The following BAZ2B variants were observed in gnomAD, a reference collection of about 807,000 sequenced individuals.
BAZ2B encodes the protein bromodomain adjacent to zinc finger domain protein 2B.
Under a neutral mutation model 246.0 loss-of-function variants are expected in BAZ2B, and 91 were observed. That is an observed-to-expected ratio of 0.37 (90% confidence interval 0.31 to 0.44). The LOEUF (loss-of-function observed/expected upper bound fraction) is 0.44, where lower values mean the gene tolerates loss of function less well. Among genes scored for constraint, BAZ2B ranks in the 20% least tolerant of loss-of-function variants. The pLI, the probability that BAZ2B is intolerant of heterozygous loss-of-function variation, is 1.00. For synonymous variants in BAZ2B, 855 were observed against 860.0 expected (o/e 0.99, Z 0.10); for missense variants, 2,332 against 2,533.7 (o/e 0.92, Z 1.71).
rs1004743316 is a variant in BAZ2B at position 159,448,281 on chromosome 2, T to C, written c.463A>G (p.Arg155Gly). The change falls in exon 5 of 37, where the codon AGG becomes GGG. Residue 155 changes from arginine to glycine, a missense_variant. By Grantham distance (125) the Arg-to-Gly change is moderately radical. This residue lies in a region of BAZ2B where 242 missense variants were observed against 237.4 expected (regional missense o/e 1.02). Transcript: ENST00000392783. ...QNHDSSSFHS[R>G]TSGKSNRNGP... Reference sequence around the variant, plus strand: ...TTTCGATTACTTTTTCCCGAAGTCCTTGAATGGAATGAAGAAGAATCATGA... The same window carrying C: ...TTTCGATTACTTTTTCCCGAAGTCCCTGAATGGAATGAAGAAGAATCATGA... 6.2e-7 allele frequency: 1 copy of C among 1,612,950 alleles called. No homozygotes were observed. Among genetic ancestry groups the C allele is most frequent in the South Asian group, 1.1e-5 (1 of 90,686 alleles).
chr2:159,439,080 G>C lies in BAZ2B; in HGVS notation c.829C>G (p.Gln277Glu). ...TCATCTTCACTTTCTTCAATACTTTGATCTTCTTCTTCTTCATCTTCTTCT... is the reference window on the plus strand; with the variant it reads ...TCATCTTCACTTTCTTCAATACTTTCATCTTCTTCTTCTTCATCTTCTTCT... ...DLEEDEEEED[Q>E]SIEESEDDDS... Residue 277 changes from glutamine (Q) to glutamate (E), a missense_variant, in exon 7 of 37, where the codon CAA becomes GAA. Physicochemically the swap from Gln to Glu is conservative, Grantham distance 29. Coordinates refer to ENST00000392783, the MANE Select transcript of BAZ2B (RefSeq NM_013450.4). 1.2e-6 allele frequency: 2 copies of C among 1,613,630 alleles called. No homozygotes were observed. Among genetic ancestry groups the C allele is most frequent in the Non-Finnish European group, 1.7e-6 (2 of 1,179,874 alleles).
chr2:159,560,205 T>G (rs1355686928), intron 1 of BAZ2B, among the ~76,000 whole-genome samples: 2 of 152,162 alleles, frequency 1.3e-5, no homozygotes, highest in African/African-American at 4.8e-5. Context: ...AAAGAGTCAA[T>G]GAAATAAATG....
chr2:159,488,343 G>C (rs927289909), intron 2 of BAZ2B, among the ~76,000 whole-genome samples: 1 of 152,146 alleles, frequency 6.6e-6, no homozygotes, highest in Non-Finnish European at 1.5e-5. Context: ...AAAGTGCTGG[G>C]ATTACAGGTG....
At chr2:159,475,663 C>A (rs912212365) in intron 3 of BAZ2B, among the ~76,000 whole-genome samples, 1 of 152,160 alleles carries the variant, frequency 6.6e-6, no homozygotes, top group African/African-American at 2.4e-5. Context: ...AGCCCTTTTG[C>A]GCTGGTTTTT....
chr2:159,383,580 A>AT (rs1437236270), intron 24 of BAZ2B, 26 bp downstream of exon 24: 1 of 1,576,702 alleles, frequency 6.3e-7, no homozygotes, highest in East Asian at 2.3e-5. Flanking sequence ...AAAACAGTAC[A>AT]TTAACTTTAA....
At chr2:159,684,382 A>C in the BAZ2B span, among the ~76,000 whole-genome samples, 7 of 152,264 alleles carry the variant, frequency 4.6e-5, no homozygotes, top group Non-Finnish European at 1.0e-4. Flanking sequence ...CTTTCTAAGA[A>C]ACTGACAAAC....
the BAZ2B span, among the ~76,000 whole-genome samples, chr2:159,679,088 C>T: frequency 2.0e-5 from 3 of 152,004 alleles, no homozygotes; most frequent in East Asian, 1.9e-4. Flanking sequence ...CTGGCTAACA[C>T]GGTGAAACCC....
chr2:159,478,891 A>G (rs1264916643), intron 2 of BAZ2B, among the ~76,000 whole-genome samples, 170 bp from the exon 3 acceptor site: 1 of 152,164 alleles, frequency 6.6e-6, no homozygotes, highest in Non-Finnish European at 1.5e-5. Context: ...TAAAATACCA[A>G]CTTATGGAAT....
intron 1 of BAZ2B, among the ~76,000 whole-genome samples, chr2:159,603,254 A>C (rs541406040): frequency 6.6e-6 from 1 of 152,374 alleles, no homozygotes; most frequent in East Asian, 1.9e-4. Flanking sequence ...AATAATTAAG[A>C]GCTAATAAAC....
intron 1 of BAZ2B, among the ~76,000 whole-genome samples, chr2:159,609,481 T>C (rs1578920434): frequency 6.6e-6 from 1 of 152,320 alleles, no homozygotes. Context: ...TTAATGTTGT[T>C]TCCCAAAACT....
At chr2:159,460,173 C>G (rs777766520) in intron 3 of BAZ2B, 6 of 151,986 alleles carry the variant, frequency 3.9e-5, no homozygotes, top group Non-Finnish European at 5.9e-5. Flanking sequence ...AAAATCAGTA[C>G]ACAAATGCTG....
intron 3 of BAZ2B, among the ~76,000 whole-genome samples, chr2:159,466,885 G>A (rs1362719843): frequency 6.6e-6 from 1 of 152,056 alleles, no homozygotes; most frequent in Non-Finnish European, 1.5e-5. Context: ...GGAGGACAAT[G>A]TGCTCTACTC....
intron 1 of BAZ2B, among the ~76,000 whole-genome samples, chr2:159,595,178 C>A (rs1461630905): frequency 1.3e-5 from 2 of 152,096 alleles, no homozygotes. Context: ...CCTCGGCTCA[C>A]CGCAACCTCC....
chr2:159,538,265 G>C (rs1275331442), intron 2 of BAZ2B, among the ~76,000 whole-genome samples: 2 of 152,106 alleles, frequency 1.3e-5, no homozygotes, highest in Non-Finnish European at 1.5e-5. Flanking sequence ...TTATAGAAAG[G>C]CTTCTGATCT....
At chr2:159,361,223 A>T (rs924515471) in intron 27 of BAZ2B, among the ~76,000 whole-genome samples, 5 of 152,256 alleles carry the variant, frequency 3.3e-5, no homozygotes, top group Admixed American at 6.5e-5. Context: ...GCTAGTATCC[A>T]GAATCTACAA....
chr2:159,528,553 A>AGT (rs1234272851), intron 2 of BAZ2B, among the ~76,000 whole-genome samples: 1 of 151,698 alleles, frequency 6.6e-6, no homozygotes, highest in Non-Finnish European at 1.5e-5. Context: ...TGTGGTGGTG[A>AGT]GTGCCTGTAA....
intron 27 of BAZ2B, among the ~76,000 whole-genome samples, chr2:159,364,853 C>A (rs2060059016): frequency 6.6e-6 from 1 of 152,160 alleles, no homozygotes; most frequent in Non-Finnish European, 1.5e-5. Context: ...ATTTCTTATA[C>A]AAGAACAGAC....
At position 159,347,547 on chromosome 2, in the gene BAZ2B, C is replaced by T. The variant is rs1375218723; in HGVS notation, c.5393G>A (p.Ser1798Asn). ...VEEQAMEMDL[S>N]VLQQVEDLER... is the part of the protein sequence containing the mutation. ...TAGATCTTCTACCTGTTGAAGGACA[C>T]TCAAATCCATTTCCATTGCTTGTTC... The change falls in exon 31 of 37, where the codon AGT (serine) becomes AAT (asparagine). Residue 1798 changes from serine (S) to asparagine (N), a missense_variant. Ser to Asn is a conservative substitution (Grantham distance 46). This residue lies in a region of BAZ2B where 676 missense variants were observed against 668.6 expected (regional missense o/e 1.01). Transcript: ENST00000392783. The T allele has an allele frequency of 1.2e-6, 2 of 1,613,878 alleles. No individual in the cohort carries two copies. The highest frequency in any genetic ancestry group is 1.1e-5 in the South Asian group (1 of 91,078).
At chr2:159,659,963 C>T in the BAZ2B span, among the ~76,000 whole-genome samples, 1 of 152,036 alleles carries the variant, frequency 6.6e-6, no homozygotes, top group South Asian at 2.1e-4. Context: ...ATAAATATAA[C>T]ATCAATTTAC....
Sources: gnomAD v4.1 joint callset for allele counts (sites outside exome capture counted in the v4.1 genomes callset) on GRCh38, gnomAD v4.1.1 for gene constraint, gnomAD v4.1.1 regional missense constraint, MANE v1.5 for transcripts, NCBI Gene and HGNC (gene_info 2026-07-23, HGNC 2026-07-21) for gene names.